The following CCDC144A variants were observed in gnomAD, a reference collection of about 807,000 sequenced individuals.
CCDC144A encodes the protein coiled-coil domain-containing protein 144A.
CCDC144A carries 41 observed loss-of-function variants against 143.8 expected under a neutral mutation model. The observed-to-expected ratio is 0.29, with a 90% CI of 0.22 to 0.37. The LOEUF is 0.37. Ranked by LOEUF, CCDC144A falls within the 10% of genes least tolerant of loss-of-function variation. The probability of loss-of-function intolerance (pLI) is 1.00; values close to 1 mark genes in which losing one functional copy is unlikely to be tolerated. For synonymous variants in CCDC144A, 242 were observed against 517.9 expected (o/e 0.47, Z 7.23); for missense variants, 637 against 1,488.8 (o/e 0.43, Z 9.41).
intron 4 of CCDC144A, among the ~76,000 whole-genome samples, chr17:16,708,198 A>G (rs979631709): frequency 1.3e-5 from 2 of 152,196 alleles, no homozygotes; most frequent in African/African-American, 4.8e-5. Flanking sequence ...ATATATTAGA[A>G]CAGAACTGAA....
At chr17:16,717,414 C>G (rs1400834920) in intron 6 of CCDC144A, among the ~76,000 whole-genome samples, 1 of 152,108 alleles carries the variant, frequency 6.6e-6, no homozygotes, top group East Asian at 1.9e-4. Flanking sequence ...CCAGCTGACT[C>G]CAGCTTTTTA....
chr17:16,689,816 G>C (rs1173052660), upstream of CCDC144A: 1 of 152,326 alleles, frequency 6.6e-6, no homozygotes, highest in Non-Finnish European at 1.5e-5. Flanking sequence ...CTTGCGTCCT[G>C]GCAGCGCGGA....
At chr17:16,684,660 T>TAA (rs746166164), upstream of CCDC144A, among the ~76,000 whole-genome samples, 3 of 130,728 alleles carry the variant, frequency 2.3e-5, no homozygotes, top group Non-Finnish European at 3.3e-5. Flanking sequence ...AGACTCCATC[T>TAA]AAAAAAAAAA....
chr17:16,695,722 A>G (rs1219911882), intron 2 of CCDC144A, among the ~76,000 whole-genome samples: 3 of 151,280 alleles, frequency 2.0e-5, no homozygotes, highest in African/African-American at 7.3e-5. Flanking sequence ...GGAACCGTAT[A>G]GTGATCATTT....
In CCDC144A at chr17:16,708,934, C is replaced by T; in HGVS notation, c.877C>T (p.Leu293Phe). 1 of 1,611,514 alleles carries T rather than the reference C, an allele frequency of 6.2e-7. No individual in the cohort carries two copies. Among genetic ancestry groups the T allele is most frequent in the Admixed American group, 1.7e-5 (1 of 59,978 alleles). Reference sequence around the variant, plus strand: ...ATTAGAGTGGAAAAACCAATTAAAACTCGTCATAAATGAGTTAAAGCAGAG... The same window carrying T: ...ATTAGAGTGGAAAAACCAATTAAAATTCGTCATAAATGAGTTAAAGCAGAG... ...GKLEWKNQLK[L>F]VINELKQRFG... Residue 293 changes from leucine (L) to phenylalanine (F), a missense_variant, in exon 5 of 17, where the codon CTC (leucine) becomes TTC (phenylalanine). Physicochemically the swap from Leu to Phe is conservative, Grantham distance 22. Transcript: ENST00000399273.
the CCDC144A span, among the ~76,000 whole-genome samples, chr17:16,682,884 T>G: frequency 4.4e-4 from 15 of 33,936 alleles, no homozygotes; most frequent in East Asian, 1.4e-3. Context: ...GGATTCTCTG[T>G]TTTTTTTTTT....
At chr17:16,678,235 C>T in the CCDC144A span, among the ~76,000 whole-genome samples, 1 of 151,984 alleles carries the variant, frequency 6.6e-6, no homozygotes. Flanking sequence ...AAGCAGCCAT[C>T]CGACTTAGGG....
the CCDC144A span, among the ~76,000 whole-genome samples, chr17:16,675,696 A>G: frequency 1.3e-5 from 2 of 148,556 alleles, 1 homozygote; most frequent in Non-Finnish European, 3.0e-5. Context: ...GCTCATGGAG[A>G]TAGATCAGTG....
At chr17:16,683,510 G>T in the CCDC144A span, 1 of 1,513,626 alleles carries the variant, frequency 6.6e-7, no homozygotes, top group South Asian at 1.1e-5. Context: ...GCGGGTTCGG[G>T]ATGTTCTATG....
chr17:16,750,525 G>A (rs1914741008), intron 12 of CCDC144A, among the ~76,000 whole-genome samples: 1 of 150,864 alleles, frequency 6.6e-6, no homozygotes, highest in African/African-American at 2.5e-5. Context: ...AGTCTGATGG[G>A]CTGTGTATCT....
intron 8 of CCDC144A, among the ~76,000 whole-genome samples, chr17:16,724,337 A>G (rs994033257): frequency 6.6e-6 from 1 of 152,010 alleles, no homozygotes; most frequent in African/African-American, 2.4e-5. Context: ...GGAGATCGAG[A>G]CCATCCTGAC....
chr17:16,776,451 C>T lies in CCDC144A; in HGVS notation c.*2818C>T, dbSNP rs1318954714. The T allele has an allele frequency of 6.6e-6, 1 of 152,016 alleles. No individual in the cohort carries two copies. The highest frequency in any genetic ancestry group is 1.5e-5 in the Non-Finnish European group (1 of 67,934). 9.4% of individuals were successfully genotyped at this position (152,016 alleles called of 1,614,324 possible). On this transcript the variant is annotated 3_prime_UTR_variant, in exon 17 of 17. Transcript: ENST00000399273. The stretch of plus-strand genomic sequence containing the variant: ...TAGCTGTATTCCTAGGTATTATACT[C>T]TTCTTGTGGCAATTGTGAATGGGAG...
chr17:16,714,167 C>T (rs961352251), intron 6 of CCDC144A, among the ~76,000 whole-genome samples: 1 of 152,226 alleles, frequency 6.6e-6, no homozygotes, highest in African/African-American at 2.4e-5. Context: ...GCTTTCTTCT[C>T]ATATCCCACC....
intron 2 of CCDC144A, among the ~76,000 whole-genome samples, chr17:16,701,798 GA>G (rs575737380): frequency 0.027 from 4,051 of 151,224 alleles, 87 homozygotes; most frequent in Non-Finnish European, 0.036. Flanking sequence ...GGAGGGTGGG[GA>G]AAAATGGCAT....
chr17:16,682,659 T>G, the CCDC144A span, among the ~76,000 whole-genome samples: 1 of 151,960 alleles, frequency 6.6e-6, no homozygotes, highest in East Asian at 1.9e-4. Flanking sequence ...GGGTTAAGTG[T>G]TCTGGAATTC....
At chr17:16,734,118 T>A (rs1913883526) in intron 11 of CCDC144A, among the ~76,000 whole-genome samples, 1 of 142,132 alleles carries the variant, frequency 7.0e-6, no homozygotes, top group African/African-American at 2.7e-5. Flanking sequence ...CTAACCTGAG[T>A]GATGGAGTGG....
chr17:16,725,637 A>AG (rs1913372961), intron 8 of CCDC144A, among the ~76,000 whole-genome samples: 1 of 151,220 alleles, frequency 6.6e-6, no homozygotes, highest in Admixed American at 6.6e-5. Flanking sequence ...AAAGAGTGGG[A>AG]GGGGGGTGAG....
intron 12 of CCDC144A, among the ~76,000 whole-genome samples, chr17:16,736,469 G>A (rs1914011223): frequency 6.6e-6 from 1 of 151,336 alleles, no homozygotes; most frequent in African/African-American, 2.4e-5. Context: ...TTTCAGCAAA[G>A]CCATGTTACA....
At chr17:16,766,634 G>A (rs1343280336) in intron 15 of CCDC144A, among the ~76,000 whole-genome samples, 1 of 152,208 alleles carries the variant, frequency 6.6e-6, no homozygotes, top group Non-Finnish European at 1.5e-5. Context: ...CAGTTACTTG[G>A]GAGGCTGAGG....
Sources: gnomAD v4.1 joint callset for allele counts (sites outside exome capture counted in the v4.1 genomes callset) on GRCh38, gnomAD v4.1.1 for gene constraint, MANE v1.5 for transcripts, NCBI Gene and HGNC (gene_info 2026-07-23, HGNC 2026-07-21) for gene names.